The following ADARB2 variants were observed in gnomAD, a reference collection of about 807,000 sequenced individuals.
ADARB2 encodes the protein inactive double-stranded RNA-specific editase B2.
Under a neutral mutation model 62.2 loss-of-function variants are expected in ADARB2, and 25 were observed. The observed-to-expected ratio is 0.40, with a 90% CI of 0.29 to 0.56. ADARB2 has a LOEUF of 0.56. Among genes scored for constraint, ADARB2 ranks in the 20% least tolerant of loss-of-function variants. The pLI is 0.43. For synonymous variants in ADARB2, 572 were observed against 500.8 expected (o/e 1.14, Z -1.90); for missense variants, 1,071 against 1,077.4 (o/e 0.99, Z 0.08).
intron 5 of ADARB2, among the ~76,000 whole-genome samples, chr10:1,234,551 C>T (rs1407836813): frequency 6.6e-6 from 1 of 150,918 alleles, no homozygotes; most frequent in Admixed American, 6.6e-5. Context: ...AGTGATCCTC[C>T]TGCCTCAGCC....
chr10:1,285,307 G>A (rs1198328201), intron 3 of ADARB2, among the ~76,000 whole-genome samples: 5 of 150,962 alleles, frequency 3.3e-5, no homozygotes, highest in Admixed American at 6.6e-5. Context: ...GCGCCCTCCT[G>A]TGAACCCTTA....
intron 1 of ADARB2, among the ~76,000 whole-genome samples, chr10:1,639,477 G>A (rs4880891): frequency 0.2 from 31,153 of 152,196 alleles, 3,475 homozygotes; most frequent in Admixed American, 0.26. Context: ...GACCATTCAC[G>A]AGCAGCCTGA....
At chr10:1,559,442 A>G (rs1361645782) in intron 1 of ADARB2, among the ~76,000 whole-genome samples, 2 of 152,172 alleles carry the variant, frequency 1.3e-5, no homozygotes, top group Non-Finnish European at 2.9e-5. Flanking sequence ...AGGCTGGTCC[A>G]CTGGGTGGAC....
intron 3 of ADARB2, among the ~76,000 whole-genome samples, chr10:1,304,744 A>G (rs11492942): frequency 0.99 from 142,766 of 143,544 alleles, 70,995 homozygotes; most frequent in Admixed American, 1. Flanking sequence ...GCTCAACTAC[A>G]TGGAAACTGA....
chr10:1,725,682 C>T (rs943606350), intron 1 of ADARB2, among the ~76,000 whole-genome samples: 16 of 152,212 alleles, frequency 1.1e-4, no homozygotes, highest in African/African-American at 3.9e-4. Flanking sequence ...CAGAAGGCCA[C>T]GCTGCCGCAC....
intron 8 of ADARB2, 157 bp downstream of exon 8, chr10:1,199,808 AT>A (rs1268032634): frequency 5.1e-6 from 4 of 782,424 alleles, no homozygotes; most frequent in Non-Finnish European, 7.8e-6. Context: ...GAAACCTTTC[AT>A]TTTTTCTTTT....
chr10:1,312,686 G>A (rs1831703431), intron 3 of ADARB2, among the ~76,000 whole-genome samples: 1 of 152,188 alleles, frequency 6.6e-6, no homozygotes, highest in Admixed American at 6.5e-5. Context: ...ACGCAGGGAG[G>A]TGAGGCACCT....
chr10:1,659,594 C>T (rs10751812), intron 1 of ADARB2, among the ~76,000 whole-genome samples: 76,303 of 152,130 alleles, frequency 0.5, 20,796 homozygotes, highest in East Asian at 0.69. Context: ...TGGAATACAA[C>T]GCCTTTGTCT....
intron 1 of ADARB2, among the ~76,000 whole-genome samples, chr10:1,618,310 A>G (rs959793467): frequency 3.3e-5 from 5 of 152,178 alleles, no homozygotes; most frequent in African/African-American, 1.2e-4. Flanking sequence ...CAACAACCCC[A>G]AATTATAACT....
At chr10:1,386,917 A>G (rs1832530166) in intron 1 of ADARB2, among the ~76,000 whole-genome samples, 1 of 151,886 alleles carries the variant, frequency 6.6e-6, no homozygotes, top group Admixed American at 6.6e-5. Context: ...ATAAAAGTAT[A>G]TTTTCTGGCC....
chr10:1,182,953 C>A lies in ADARB2; in HGVS notation c.*240G>T. On this transcript the variant is annotated 3_prime_UTR_variant, in exon 10 of 10. Transcript: ENST00000381312. ...CCTCAGACTCCACAGGAAGAGTCGG[C>A]GCTAACTCAACAGTGCATGTGCCCC... The A allele has an allele frequency of 2.0e-6, 1 of 510,110 alleles. No homozygotes were observed. The highest frequency in any genetic ancestry group is 3.5e-6 in the Non-Finnish European group (1 of 285,462). The allele number at this position is 510,110 out of a possible 1,614,324, so 31.6% of individuals were successfully genotyped here. A position where few individuals can be genotyped will look rare whatever the true frequency, so the allele number is the denominator to read the frequency against.
intron 2 of ADARB2, among the ~76,000 whole-genome samples, chr10:1,375,352 G>C (rs1448886514): frequency 2.0e-5 from 3 of 152,214 alleles, no homozygotes; most frequent in Non-Finnish European, 4.4e-5. Context: ...CAAACGTGGA[G>C]TTGTTCGGTC....
intron 1 of ADARB2, among the ~76,000 whole-genome samples, chr10:1,656,798 G>A (rs959991625): frequency 2.6e-5 from 4 of 152,022 alleles, no homozygotes; most frequent in South Asian, 4.2e-4. Context: ...TATATGGGAA[G>A]GTTATCTTAA....
intron 1 of ADARB2, among the ~76,000 whole-genome samples, chr10:1,563,633 T>G (rs1286620916): frequency 6.6e-6 from 1 of 151,914 alleles, no homozygotes; most frequent in Non-Finnish European, 1.5e-5. Context: ...TTACTTTTTT[T>G]TTTATTATTA....
intron 2 of ADARB2, among the ~76,000 whole-genome samples, chr10:1,378,548 C>T (rs569040717): frequency 7.9e-5 from 12 of 151,588 alleles, no homozygotes; most frequent in South Asian, 4.2e-4. Context: ...ACTGCAGGTG[C>T]GGGTAAGGTT....
intron 3 of ADARB2, among the ~76,000 whole-genome samples, chr10:1,275,867 T>C (rs1831311606): frequency 6.6e-6 from 1 of 152,128 alleles, no homozygotes; most frequent in South Asian, 2.1e-4. Context: ...TAGTATTCCA[T>C]GGTGTATATG....
At chr10:1,676,011 G>A (rs1834462908) in intron 1 of ADARB2, 2 of 985,334 alleles carry the variant, frequency 2.0e-6, no homozygotes, top group Non-Finnish European at 2.4e-6. Context: ...ACTTTGGTAA[G>A]AGGCTGTGAG....
intron 1 of ADARB2, among the ~76,000 whole-genome samples, chr10:1,597,669 G>A (rs1435316304): frequency 6.6e-6 from 1 of 152,192 alleles, no homozygotes; most frequent in Non-Finnish European, 1.5e-5. Flanking sequence ...CTATGCTCTT[G>A]GTGAGAATGT....
intron 3 of ADARB2, among the ~76,000 whole-genome samples, chr10:1,349,842 C>T (rs1354668602): frequency 3.3e-5 from 5 of 152,090 alleles, no homozygotes; most frequent in African/African-American, 9.7e-5. Context: ...GTCTGATCTC[C>T]GTGGGGAAGC....
Sources: allele counts gnomAD v4.1 joint callset (sites outside exome capture counted in the v4.1 genomes callset), GRCh38; gene constraint gnomAD v4.1.1; transcripts MANE v1.5; gene names NCBI Gene and HGNC (gene_info 2026-07-23, HGNC 2026-07-21).